Variants in DCLK3 observed in about 807,000 individuals in gnomAD.
The protein encoded by DCLK3 is doublecortin like kinase 3.
In DCLK3, 30 loss-of-function variants were observed where a neutral mutation model predicts 46.4. The ratio of observed to expected loss-of-function variants is 0.65; its 90% CI spans 0.48 to 0.88. DCLK3 has a LOEUF of 0.88. Ranked by LOEUF, DCLK3 falls within the 40% of genes least tolerant of loss-of-function variation. The probability of loss-of-function intolerance (pLI) is 0.00; values close to 1 mark genes in which losing one functional copy is unlikely to be tolerated. For synonymous variants in DCLK3, 401 were observed against 339.2 expected, an observed-to-expected ratio of 1.18 and a Z score of -2.00; for missense variants, 846 against 907.1, an observed-to-expected ratio of 0.93 and a Z score of 0.87.
At chr3:36,754,922 A>G (rs1417563978) in intron 1 of DCLK3, among the ~76,000 whole-genome samples, 1 of 138,900 alleles carries the variant, frequency 7.2e-6, no homozygotes. Flanking sequence ...GTAGTCAGCT[A>G]TAAGGCAAAA....
rs565762147 is a variant in DCLK3 at position 36,740,713 on chromosome 3, A to T, written c.83-1629T>A. Among the ~76,000 whole-genome samples the T allele has an allele frequency of 2.8e-4, 43 of 152,350 alleles. No individual in the cohort carries two copies. The East Asian group carries it at 8.1e-3, about 29-fold the overall frequency. On this transcript the variant is annotated intron_variant, in intron 1 of 4. Transcript: ENST00000636136. The stretch of plus-strand genomic sequence containing the variant: ...AAATTGGAAAAGAACAGAAAGTATA[A>T]CTCAGTTAAGCCACAATGGTAGGAT...
At chr3:36,761,764 C>T (rs1701541820) in intron 1 of DCLK3, among the ~76,000 whole-genome samples, 1 of 152,154 alleles carries the variant, frequency 6.6e-6, no homozygotes, top group African/African-American at 2.4e-5. Flanking sequence ...CAAGACCCCT[C>T]TGAGAACTTC....
At chr3:36,749,652 G>T (rs1353817058) in intron 1 of DCLK3, among the ~76,000 whole-genome samples, 1 of 152,178 alleles carries the variant, frequency 6.6e-6, no homozygotes, top group East Asian at 1.9e-4. Context: ...CAGATGAGGG[G>T]TCAGTCTAAT....
intron 2 of DCLK3, among the ~76,000 whole-genome samples, chr3:36,736,370 G>A (rs1413410655): frequency 1.3e-5 from 2 of 152,186 alleles, no homozygotes; most frequent in African/African-American, 4.8e-5. Context: ...GACCTTATAT[G>A]TGGTTTGGAC....
intron 2 of DCLK3, among the ~76,000 whole-genome samples, chr3:36,732,463 T>A (rs1701210141): frequency 6.6e-6 from 1 of 152,190 alleles, no homozygotes; most frequent in Admixed American, 6.5e-5. Flanking sequence ...AATGTAAACC[T>A]ACAGTCATAA....
rs564722193 is a variant in DCLK3 at position 36,722,698 on chromosome 3, C to G, written c.1960-1039G>C. The stretch of plus-strand genomic sequence containing the variant: ...GACAGTTTTAAAAATGGGAGTTTGC[C>G]TGCACAAGCTCTCTCTTTGCCTGAT... On this transcript the variant is annotated intron_variant, in intron 2 of 4. Transcript: ENST00000636136. Among the ~76,000 whole-genome samples the G allele has an allele frequency of 3.9e-5, 6 of 152,270 alleles. No homozygotes were observed. The East Asian group carries it at 1.2e-3, about 29-fold the overall frequency.
chr3:36,720,671 AT>A (rs1414626517), intron 3 of DCLK3, among the ~76,000 whole-genome samples: 1 of 152,008 alleles, frequency 6.6e-6, no homozygotes, highest in East Asian at 1.9e-4. Flanking sequence ...CGCCCAGCTA[AT>A]TTTTTTGTAG....
chr3:36,762,003 G>A (rs1413188342), intron 1 of DCLK3, among the ~76,000 whole-genome samples: 1 of 152,116 alleles, frequency 6.6e-6, no homozygotes. Flanking sequence ...TTTTTCTTGG[G>A]AAAAAAGAGA....
intron 1 of DCLK3, among the ~76,000 whole-genome samples, chr3:36,739,437 T>C (rs1248371714): frequency 1.3e-5 from 2 of 152,328 alleles, no homozygotes; most frequent in South Asian, 2.1e-4. Context: ...GGGAGAAACC[T>C]AGTGGGAGAT....
At chr3:36,723,284 G>A (rs1575135877) in intron 2 of DCLK3, among the ~76,000 whole-genome samples, 1 of 152,196 alleles carries the variant, frequency 6.6e-6, no homozygotes, top group African/African-American at 2.4e-5. Context: ...CTTGGGTGCT[G>A]TTAAAGACAT....
At chr3:36,745,663 G>T (rs1701388045) in intron 1 of DCLK3, among the ~76,000 whole-genome samples, 1 of 152,188 alleles carries the variant, frequency 6.6e-6, no homozygotes, top group Non-Finnish European at 1.5e-5. Flanking sequence ...TGCTGAGAGA[G>T]TATTCATGTC....
At position 36,718,034 on chromosome 3, in the gene DCLK3, G is replaced by T. The variant is rs373164557; in HGVS notation, c.2236C>A (p.Pro746Thr). The T allele has an allele frequency of 7.4e-6, 12 of 1,614,146 alleles. No individual in the cohort carries two copies. The highest frequency in any genetic ancestry group is 8.5e-6 in the Non-Finnish European group (10 of 1,180,014). Reference protein sequence around the residue: ...IQLGHFEFLPPYWDNISDAAK... With the variant: ...IQLGHFEFLPTYWDNISDAAK... ...CCATCAGAGATATTGTCCCAGTAAG[G>T]GGGGAGGAACTCAAAGTGGCCCAGC... The change falls in exon 4 of 5, where the codon CCT (proline) becomes ACT (threonine). Residue 746 changes from proline (P) to threonine (T), a missense_variant. Physicochemically the swap from Pro to Thr is conservative, Grantham distance 38. This residue lies in a region of DCLK3 where 247 missense variants were observed against 322.8 expected (regional missense o/e 0.77). Coordinates refer to ENST00000636136, the MANE Select transcript of DCLK3 (RefSeq NM_001394672.2).
In DCLK3 at chr3:36,737,690, C is replaced by A; in HGVS notation, c.1477G>T (p.Glu493Ter). ...RDDQPAKLEK[E>*]PKTRPEENKP... is the part of the protein sequence containing the mutation. ...TTCTCTTCTGGCCTCGTCTTGGGCT[C>A]CTTTTCTAGCTTTGCAGGTTGGTCA... Residue 493 changes from glutamate (E) to a stop codon, truncating the protein, a stop_gained, in exon 2 of 5, where the codon GAG (glutamate) becomes TAG (stop). Transcript: ENST00000636136. LOFTEE classifies it high-confidence loss of function. The surrounding 1 kb of genome is among the most constrained non-coding windows in gnomAD (Gnocchi z 4.4). 1 of 1,613,790 alleles carries A rather than the reference C, an allele frequency of 6.2e-7. No individual in the cohort carries two copies. Among genetic ancestry groups the A allele is most frequent in the Non-Finnish European group, 8.5e-7 (1 of 1,179,928 alleles).
intron 1 of DCLK3, among the ~76,000 whole-genome samples, chr3:36,761,351 C>T (rs1185927551): frequency 6.6e-6 from 1 of 152,124 alleles, no homozygotes; most frequent in Non-Finnish European, 1.5e-5. Context: ...ACTGAGGTTC[C>T]TAGAGAAGTT....
In DCLK3 at chr3:36,737,221, G is replaced by A. The variant is rs369906307; in HGVS notation, c.1946C>T (p.Pro649Leu). 1.4e-5 allele frequency: 23 copies of A among 1,612,408 alleles called. No individual in the cohort carries two copies. The highest frequency in any genetic ancestry group is 4.5e-5 in the East Asian group (2 of 44,856). ...GTCAAGGCTTACCAAAAGGTTTTCC[G>A]GCTTGAGGTCCCGGTGGACAATGCT... ...DKSIVHRDLK[P>L]ENLLVQRNED... Residue 649 changes from proline (P) to leucine (L), a missense_variant, in exon 2 of 5, where the codon CCG becomes CTG. By Grantham distance (98) the Pro-to-Leu change is moderately conservative. Transcript: ENST00000636136. The surrounding 1 kb of genome is among the most constrained non-coding windows in gnomAD (Gnocchi z 4.4).
chr3:36,717,759 G>A (rs1248404991), intron 4 of DCLK3, among the ~76,000 whole-genome samples: 2 of 152,268 alleles, frequency 1.3e-5, no homozygotes, highest in East Asian at 1.9e-4. Context: ...TCTGTTCTGA[G>A]GTTCTTGAAT....
rs901951879 is a variant in DCLK3 at position 36,712,835 on chromosome 3, C to T, written c.*2493G>A. The T allele has an allele frequency of 6.6e-6, 1 of 152,110 alleles. No individual in the cohort carries two copies. The highest frequency in any genetic ancestry group is 2.4e-5 in the African/African-American group (1 of 41,412). 9.4% of individuals were successfully genotyped at this position (152,110 alleles called of 1,614,324 possible). A position where few individuals can be genotyped will look rare whatever the true frequency, so the allele number is the denominator to read the frequency against. ...GATATACAATCTGTTTATCCATGCACCAAATCATGCCCATTCAAGATGTTT... is the reference window on the plus strand; with the variant it reads ...GATATACAATCTGTTTATCCATGCATCAAATCATGCCCATTCAAGATGTTT... On this transcript the variant is annotated 3_prime_UTR_variant, in exon 5 of 5. Transcript: ENST00000636136.
chr3:36,731,131 G>A (rs1203966934), intron 2 of DCLK3, among the ~76,000 whole-genome samples: 2 of 152,174 alleles, frequency 1.3e-5, no homozygotes, highest in African/African-American at 2.4e-5. Flanking sequence ...TTAACCCAGT[G>A]TCTGGTCAGA....
At position 36,739,638 on chromosome 3, in the gene DCLK3, G is replaced by A. The variant is rs115028505; in HGVS notation, c.83-554C>T. ...ATGATTGTGAGGCTTCCCCAGCCAC[G>A]TGGAACTAACTGTAAGTCCAAGAAA... On this transcript the variant is annotated intron_variant, in intron 1 of 4. Coordinates refer to ENST00000636136, the MANE Select transcript of DCLK3 (RefSeq NM_001394672.2). 2.4e-3 allele frequency among the ~76,000 whole-genome samples: 369 copies of A among 152,292 alleles called. 1 individual carries two copies. The highest frequency in any genetic ancestry group is 6.8e-3 in the Middle Eastern group (2 of 294).
Sources: allele counts gnomAD v4.1 joint callset (sites outside exome capture counted in the v4.1 genomes callset), GRCh38; gene constraint gnomAD v4.1.1; regional missense constraint gnomAD v4.1.1; non-coding constraint Gnocchi (gnomAD v3.1); transcripts MANE v1.5; gene names NCBI Gene and HGNC (gene_info 2026-07-23, HGNC 2026-07-21).